The following GABRA2 variants were observed in gnomAD, a reference collection of about 807,000 sequenced individuals.
GABRA2 encodes gamma-aminobutyric acid receptor subunit alpha-2.
A neutral mutation model predicts 48.7 loss-of-function variants in GABRA2; 16 were observed. The ratio of observed to expected loss-of-function variants is 0.33; its 90% CI spans 0.22 to 0.50. GABRA2 has a LOEUF of 0.50. Ranked by LOEUF, GABRA2 falls within the 20% of genes least tolerant of loss-of-function variation. The probability of loss-of-function intolerance (pLI) is 0.98; values close to 1 mark genes in which losing one functional copy is unlikely to be tolerated. For synonymous variants in GABRA2, 185 were observed against 184.5 expected, an observed-to-expected ratio of 1.00 and a Z score of -0.02; for missense variants, 275 against 535.6, an observed-to-expected ratio of 0.51 and a Z score of 4.80.
rs116398511 is a variant in GABRA2 at position 46,360,946 on chromosome 4, A to C, written c.187+25128T>G. Among the ~76,000 whole-genome samples, 1,324 of 152,306 alleles carry C rather than the reference A, an allele frequency of 8.7e-3. 17 individuals are homozygous for C. The highest frequency in any genetic ancestry group is 0.03 in the African/African-American group (1,258 of 41,566). ...GATTTGTGGCACTCTGAACTTGAGA[A>C]GGATTATTTAGGGTATTTGGCAGAA... On this transcript the variant is annotated intron_variant, in intron 3 of 9. Transcript: ENST00000381620.
intron 4 of GABRA2, among the ~76,000 whole-genome samples, chr4:46,331,120 T>C (rs73133213): frequency 0.021 from 3,234 of 152,258 alleles, 125 homozygotes; most frequent in African/African-American, 0.074. Flanking sequence ...AAAAGAAGGG[T>C]TATGCTGAAG....
chr4:46,338,733 C>A (rs1205785224), intron 3 of GABRA2, among the ~76,000 whole-genome samples: 3 of 151,834 alleles, frequency 2.0e-5, no homozygotes, highest in Non-Finnish European at 4.4e-5. Context: ...CCTCTCTGTT[C>A]CTATCCATAG....
intron 8 of GABRA2, among the ~76,000 whole-genome samples, chr4:46,292,546 A>C (rs1723876567): frequency 6.6e-6 from 1 of 152,330 alleles, no homozygotes; most frequent in Admixed American, 6.5e-5. Flanking sequence ...GATTTGGATC[A>C]GGCTGAATTT....
At chr4:46,326,196 G>T (rs1730343338) in intron 4 of GABRA2, among the ~76,000 whole-genome samples, 1 of 151,876 alleles carries the variant, frequency 6.6e-6, no homozygotes, top group South Asian at 2.1e-4. Context: ...ATACTACTTT[G>T]TGACCTTAGA....
At chr4:46,258,023 A>T (rs903336391) in intron 9 of GABRA2, among the ~76,000 whole-genome samples, 1 of 151,728 alleles carries the variant, frequency 6.6e-6, no homozygotes, top group African/African-American at 2.4e-5. Context: ...TCAGGTTGAG[A>T]CTGAGGTTGA....
chr4:46,246,439 C>G lies in GABRA2; in HGVS notation c.*3869G>C, dbSNP rs1043211416. 1.1e-4 allele frequency among the ~76,000 whole-genome samples: 16 copies of G among 151,162 alleles called. No individual in the cohort carries two copies. The South Asian group carries it at 2.1e-3, about 20-fold the overall frequency. ...TGGTTTTGGTATAGTGTCCATGTTT[C>G]TCAAGCATGCAGATGTCAAAAATAA... On this transcript the variant is annotated 3_prime_UTR_variant, in exon 10 of 10. Transcript: ENST00000381620.
chr4:46,306,836 T>C (rs1577988473), intron 6 of GABRA2, among the ~76,000 whole-genome samples: 8 of 152,266 alleles, frequency 5.3e-5, no homozygotes, highest in Admixed American at 2.0e-4. Context: ...GGTTCTGAAA[T>C]TGATCTAAAG....
intron 8 of GABRA2, among the ~76,000 whole-genome samples, chr4:46,291,743 A>G (rs1723666623): frequency 6.6e-6 from 1 of 150,598 alleles, no homozygotes; most frequent in East Asian, 2.0e-4. Context: ...CTGACTTGTG[A>G]TCATGTGAGT....
At chr4:46,389,497 G>A in intron 1 of GABRA2, 1 of 722,238 alleles carries the variant, frequency 1.4e-6, no homozygotes. Flanking sequence ...CTATAAAAGA[G>A]CCAGGCTAAC....
At chr4:46,375,338 C>A (rs1560599359) in intron 3 of GABRA2, among the ~76,000 whole-genome samples, 1 of 152,136 alleles carries the variant, frequency 6.6e-6, no homozygotes, top group Non-Finnish European at 1.5e-5. Flanking sequence ...TTCCAGAATT[C>A]TGTGTTAACA....
chr4:46,307,200 T>C (rs912786827), intron 6 of GABRA2, among the ~76,000 whole-genome samples: 9 of 152,126 alleles, frequency 5.9e-5, no homozygotes, highest in African/African-American at 2.2e-4. Context: ...TAATTTCAAT[T>C]CATTAACCAT....
intron 9 of GABRA2, 108 bp from the exon 10 acceptor site, chr4:46,250,712 T>C (rs766802774): frequency 1.3e-5 from 10 of 759,670 alleles, no homozygotes; most frequent in East Asian, 2.7e-5. Context: ...CAAATCATCA[T>C]GCATTAGCAA....
chr4:46,302,328 A>G lies in GABRA2; in HGVS notation c.856+1132T>C, dbSNP rs191747772. Reference sequence around the variant, plus strand: ...CTCCCTTCTTGGCCTCCAACGTGCTAGGACTACAGGCATGAGGCATTACAC... The same window carrying G: ...CTCCCTTCTTGGCCTCCAACGTGCTGGGACTACAGGCATGAGGCATTACAC... On this transcript the variant is annotated intron_variant, in intron 8 of 9. Coordinates refer to ENST00000381620, the MANE Select transcript of GABRA2 (RefSeq NM_000807.4). 3.3e-3 allele frequency among the ~76,000 whole-genome samples: 504 copies of G among 152,210 alleles called. 4 individuals carry two copies. Among genetic ancestry groups the G allele is most frequent in the African/African-American group, 0.011 (477 of 41,528 alleles).
intron 3 of GABRA2, among the ~76,000 whole-genome samples, chr4:46,373,034 G>A (rs1715142472): frequency 6.6e-6 from 1 of 152,178 alleles, no homozygotes; most frequent in South Asian, 2.1e-4. Context: ...GGCAGAAATT[G>A]CAGCTGCCCC....
chr4:46,348,177 C>T lies in GABRA2; in HGVS notation c.188-15495G>A, dbSNP rs375087329. 1.8e-4 allele frequency among the ~76,000 whole-genome samples: 28 copies of T among 152,164 alleles called. No homozygotes were observed. The South Asian group carries it at 1.9e-3, about 10-fold the overall frequency. On this transcript the variant is annotated intron_variant, in intron 3 of 9. Coordinates refer to ENST00000381620, the MANE Select transcript of GABRA2 (RefSeq NM_000807.4). The stretch of plus-strand genomic sequence containing the variant: ...CAGCCAAAAGTCACATGAAAAAATG[C>T]TCATCATCACTGGCCATCAGAGAAA...
chr4:46,291,341 C>A (rs990282365), intron 8 of GABRA2, among the ~76,000 whole-genome samples: 18 of 152,018 alleles, frequency 1.2e-4, no homozygotes, highest in African/African-American at 4.3e-4. Context: ...GTGCCCATTA[C>A]TAGGAATGTA....
At chr4:46,262,944 A>G (rs1360464871) in intron 8 of GABRA2, among the ~76,000 whole-genome samples, 2 of 87,056 alleles carry the variant, frequency 2.3e-5, no homozygotes, top group African/African-American at 1.2e-4. Context: ...AGAAGAAAGA[A>G]AGAAAGAAAG....
At chr4:46,355,910 T>A in intron 3 of GABRA2, among the ~76,000 whole-genome samples, 1 of 152,142 alleles carries the variant, frequency 6.6e-6, no homozygotes, top group Non-Finnish European at 1.5e-5. Context: ...TGAAACAAAA[T>A]GTAGTCAAAA....
chr4:46,365,669 A>G (rs1713925722), intron 3 of GABRA2: 4 of 152,130 alleles, frequency 2.6e-5, no homozygotes, highest in African/African-American at 9.7e-5. Flanking sequence ...TGATGAAGAA[A>G]CTGAGGTTTA....
Sources: gnomAD v4.1 joint callset for allele counts (sites outside exome capture counted in the v4.1 genomes callset) on GRCh38, gnomAD v4.1.1 for gene constraint, MANE v1.5 for transcripts, NCBI Gene and HGNC (gene_info 2026-07-23, HGNC 2026-07-21) for gene names.